Variants in SEMA6D observed in about 807,000 individuals in gnomAD.
The protein encoded by SEMA6D is semaphorin-6D.
In SEMA6D, 35 loss-of-function variants were observed where a neutral mutation model predicts 106.6. The observed-to-expected ratio is 0.33, with a 90% CI of 0.25 to 0.44. The LOEUF (loss-of-function observed/expected upper bound fraction) is 0.44, where lower values mean the gene tolerates loss of function less well. Among genes scored for constraint, SEMA6D ranks in the 20% least tolerant of loss-of-function variants. The pLI is 1.00. For missense variants in SEMA6D, 1,185 were observed against 1,345.9 expected, an observed-to-expected ratio of 0.88 and a Z score of 1.87; for synonymous variants, 499 against 487.7, an observed-to-expected ratio of 1.02 and a Z score of -0.31.
At chr15:47,602,152 TTTC>T (rs1262212701) in intron 4 of SEMA6D, among the ~76,000 whole-genome samples, 7 of 152,184 alleles carry the variant, frequency 4.6e-5, no homozygotes, top group Non-Finnish European at 8.8e-5. Context: ...ATTCCTTCAG[TTTC>T]TTCCATAATT....
intron 3 of SEMA6D, among the ~76,000 whole-genome samples, chr15:47,479,398 A>G (rs2043089125): frequency 1.3e-5 from 2 of 152,078 alleles, no homozygotes; most frequent in South Asian, 4.2e-4. Context: ...AATACTAGGA[A>G]CCTTATTTCA....
At chr15:47,244,647 T>G (rs1360351596) in intron 1 of SEMA6D, among the ~76,000 whole-genome samples, 2 of 152,162 alleles carry the variant, frequency 1.3e-5, no homozygotes, top group African/African-American at 4.8e-5. Context: ...ATCCAAGCCT[T>G]TAGGCACTGA....
intron 2 of SEMA6D, among the ~76,000 whole-genome samples, chr15:47,458,027 A>C (rs1027877185): frequency 6.6e-6 from 1 of 151,976 alleles, no homozygotes; most frequent in Non-Finnish European, 1.5e-5. Context: ...TAAAATTTTC[A>C]ACCAAGAATT....
intron 1 of SEMA6D, among the ~76,000 whole-genome samples, chr15:47,392,514 GAAGGTGA>G (rs57464902): frequency 0.49 from 73,963 of 151,488 alleles, 20,983 homozygotes; most frequent in African/African-American, 0.8. Flanking sequence ...GAAGACGGAG[GAAGGTGA>G]AAGATTGCCA....
intron 1 of SEMA6D, among the ~76,000 whole-genome samples, chr15:47,332,082 G>A (rs1361827465): frequency 6.6e-6 from 1 of 152,166 alleles, no homozygotes; most frequent in African/African-American, 2.4e-5. Flanking sequence ...GAAGTGCTGA[G>A]TCTGTTTCTA....
At chr15:47,770,095 G>A (rs1224743340) in intron 18 of SEMA6D, among the ~76,000 whole-genome samples, 1 of 152,072 alleles carries the variant, frequency 6.6e-6, no homozygotes, top group Non-Finnish European at 1.5e-5. Flanking sequence ...CTATATCCTA[G>A]TAGCTACCTT....
intron 1 of SEMA6D, among the ~76,000 whole-genome samples, chr15:47,371,599 A>G (rs1339305308): frequency 4.6e-5 from 7 of 152,176 alleles, no homozygotes; most frequent in Admixed American, 4.6e-4. Flanking sequence ...CTTCAGTGCT[A>G]TCACATATGC....
intron 3 of SEMA6D, among the ~76,000 whole-genome samples, chr15:47,544,039 G>T (rs904962211): frequency 6.6e-6 from 1 of 152,064 alleles, no homozygotes; most frequent in Non-Finnish European, 1.5e-5. Context: ...AATAATTAAA[G>T]AAGTTTGGTT....
At chr15:47,192,601 T>C (rs1894041333) in intron 1 of SEMA6D, among the ~76,000 whole-genome samples, 1 of 152,020 alleles carries the variant, frequency 6.6e-6, no homozygotes, top group Admixed American at 6.6e-5. Context: ...GAATAACTAT[T>C]GATAAGGTAA....
At chr15:47,692,744 C>T (rs1438972645) in intron 4 of SEMA6D, among the ~76,000 whole-genome samples, 1 of 152,080 alleles carries the variant, frequency 6.6e-6, no homozygotes, top group African/African-American at 2.4e-5. Context: ...ACAACAGGTG[C>T]CAGTGACCTT....
At chr15:47,359,969 G>T (rs1440769763) in intron 1 of SEMA6D, 1 of 152,000 alleles carries the variant, frequency 6.6e-6, no homozygotes, top group Non-Finnish European at 1.5e-5. Context: ...TGTGATTTTG[G>T]CCCCCCAAAA....
intron 4 of SEMA6D, among the ~76,000 whole-genome samples, chr15:47,704,107 A>G (rs1323311338): frequency 6.6e-6 from 1 of 152,078 alleles, no homozygotes; most frequent in Non-Finnish European, 1.5e-5. Context: ...AAGCTCTTCT[A>G]TGGCTTATTT....
chr15:47,645,218 A>C (rs2077559635), intron 4 of SEMA6D, among the ~76,000 whole-genome samples: 1 of 152,164 alleles, frequency 6.6e-6, no homozygotes. Context: ...CCCTTATTGG[A>C]AACATCTTTA....
In SEMA6D at chr15:47,746,117, C is replaced by T. The variant is rs185444714; in HGVS notation, c.-54-13628C>T. On this transcript the variant is annotated intron_variant, in intron 1 of 18. Transcript: ENST00000536845. ...ATACAAAGGCCTTATTTTTGGTGAC[C>T]GAAAACCAAAGGACTTGGGACTAAA... is the stretch of plus-strand genomic sequence containing the variant. 1.3e-4 allele frequency among the ~76,000 whole-genome samples: 20 copies of T among 152,180 alleles called. No individual in the cohort carries two copies. The East Asian group carries it at 2.5e-3, about 19-fold the overall frequency.
At chr15:47,732,628 A>T (rs1056972672) in intron 1 of SEMA6D, among the ~76,000 whole-genome samples, 1 of 152,214 alleles carries the variant, frequency 6.6e-6, no homozygotes, top group African/African-American at 2.4e-5. Flanking sequence ...ATTGTTATTT[A>T]TACCATTGTT....
At chr15:47,672,213 C>T (rs2413880) in intron 4 of SEMA6D, among the ~76,000 whole-genome samples, 5 of 152,160 alleles carry the variant, frequency 3.3e-5, no homozygotes, top group Admixed American at 1.3e-4. Flanking sequence ...GAAGCCTGGC[C>T]TCAGAGCCTG....
At chr15:47,390,542 T>C (rs916903600) in intron 1 of SEMA6D, among the ~76,000 whole-genome samples, 3 of 149,878 alleles carry the variant, frequency 2.0e-5, no homozygotes, top group African/African-American at 7.5e-5. Context: ...CCCATTTGAA[T>C]TGCTCACCTT....
intron 3 of SEMA6D, among the ~76,000 whole-genome samples, chr15:47,494,791 A>ATATATATATAT (rs2043597859): frequency 3.5e-5 from 2 of 56,948 alleles, no homozygotes; most frequent in Non-Finnish European, 7.7e-5. Context: ...TATATATATA[A>ATATATATATAT]TCTCCAGATA....
chr15:47,402,568 C>T (rs1000939566), intron 1 of SEMA6D, among the ~76,000 whole-genome samples: 11 of 152,270 alleles, frequency 7.2e-5, no homozygotes, highest in East Asian at 3.9e-4. Context: ...TGTGTTGGGG[C>T]GCTTTCAGGT....
Sources: allele counts gnomAD v4.1 joint callset (sites outside exome capture counted in the v4.1 genomes callset), GRCh38; gene constraint gnomAD v4.1.1; transcripts MANE v1.5; gene names NCBI Gene and HGNC (gene_info 2026-07-23, HGNC 2026-07-21).